Variants in CDK15 observed in about 807,000 individuals in gnomAD.
CDK15 encodes the protein cyclin dependent kinase 15.
Under a neutral mutation model 60.3 loss-of-function variants are expected in CDK15, and 62 were observed. The observed-to-expected ratio is 1.03, with a 90% CI of 0.84 to 1.27. CDK15 has a LOEUF of 1.27. CDK15 is among the 50% of genes most tolerant of loss of function. The pLI is 0.00. For missense variants in CDK15, 541 were observed against 527.8 expected (o/e 1.03, Z -0.25); for synonymous variants, 194 against 195.7 (o/e 0.99, Z 0.07).
At chr2:201,869,159 G>A (rs1393111423) in intron 10 of CDK15, among the ~76,000 whole-genome samples, 5 of 152,192 alleles carry the variant, frequency 3.3e-5, no homozygotes, top group Non-Finnish European at 7.4e-5. Flanking sequence ...ACTGGATTAA[G>A]AAAATGTGGT....
intron 4 of CDK15, among the ~76,000 whole-genome samples, chr2:201,815,666 T>A (rs578172633): frequency 1.3e-5 from 2 of 152,242 alleles, no homozygotes; most frequent in Non-Finnish European, 2.9e-5. Context: ...AATATCTTAA[T>A]ATAATGTGCA....
At chr2:201,893,126 G>A (rs1378922364) in intron 13 of CDK15, among the ~76,000 whole-genome samples, 175 bp from the exon 14 acceptor site, 3 of 152,146 alleles carry the variant, frequency 2.0e-5, no homozygotes, top group South Asian at 2.1e-4. Flanking sequence ...TATTTGCAAA[G>A]CTTTCTTAGT....
At position 201,895,178 on chromosome 2, in the gene CDK15, T is replaced by C. The variant is rs1699743155; in HGVS notation, c.*1911T>C. The C allele has an allele frequency of 6.6e-6, 1 of 152,204 alleles. No homozygotes were observed. Among genetic ancestry groups the C allele is most frequent in the African/African-American group, 2.4e-5 (1 of 41,452 alleles). The allele number at this position is 152,204 out of a possible 1,614,324, so 9.4% of individuals were successfully genotyped here. A position where few individuals can be genotyped will look rare whatever the true frequency, so the allele number is the denominator to read the frequency against. Reference sequence around the variant, plus strand: ...ATGAGAGCTATAGGAGGGATTCCCATGTTGGAGGTTAGAAGAGCTGACCTC... The same window carrying C: ...ATGAGAGCTATAGGAGGGATTCCCACGTTGGAGGTTAGAAGAGCTGACCTC... On this transcript the variant is annotated 3_prime_UTR_variant, in exon 14 of 14. Transcript: ENST00000652192.
intron 8 of CDK15, among the ~76,000 whole-genome samples, chr2:201,836,133 T>C (rs1357360174): frequency 1.6e-5 from 2 of 122,822 alleles, no homozygotes; most frequent in Admixed American, 2.2e-4. Context: ...ATATTTTATA[T>C]ATTTATATAT....
At chr2:201,847,178 G>C (rs751192662) in intron 8 of CDK15, among the ~76,000 whole-genome samples, 1 of 152,112 alleles carries the variant, frequency 6.6e-6, no homozygotes, top group Non-Finnish European at 1.5e-5. Context: ...TGCTGCTCGT[G>C]GTGTTCCATT....
intron 10 of CDK15, among the ~76,000 whole-genome samples, chr2:201,865,868 C>T (rs998066997): frequency 3.4e-5 from 4 of 116,924 alleles, no homozygotes; most frequent in East Asian, 2.5e-4. Context: ...CCAGCCTGGG[C>T]GACAGAGCAA....
chr2:201,886,936 A>T (rs1164049816), intron 12 of CDK15, among the ~76,000 whole-genome samples: 1 of 152,236 alleles, frequency 6.6e-6, no homozygotes, highest in Non-Finnish European at 1.5e-5. Context: ...TATAGCATGC[A>T]TATCGGGAGC....
chr2:201,812,203 A>AC (rs1695807372), intron 3 of CDK15, among the ~76,000 whole-genome samples: 1 of 151,498 alleles, frequency 6.6e-6, no homozygotes. Flanking sequence ...AAAAAAACAA[A>AC]AAAACACTAC....
intron 8 of CDK15, among the ~76,000 whole-genome samples, chr2:201,845,845 A>G (rs73993111): frequency 1.7e-4 from 16 of 92,066 alleles, no homozygotes; most frequent in South Asian, 8.1e-4. Flanking sequence ...AAAAAAAAAA[A>G]AGAGAGAGAG....
chr2:201,821,513 C>T (rs1252521944), intron 4 of CDK15, among the ~76,000 whole-genome samples: 2 of 152,050 alleles, frequency 1.3e-5, no homozygotes, highest in Admixed American at 1.3e-4. Flanking sequence ...TGTTTTTAAT[C>T]TTATGGAATT....
chr2:201,859,083 C>T (rs1698270761), intron 10 of CDK15, among the ~76,000 whole-genome samples: 1 of 152,256 alleles, frequency 6.6e-6, no homozygotes, highest in Non-Finnish European at 1.5e-5. Context: ...GCCGGGGCTG[C>T]GCGGGCCTCC....
chr2:201,824,810 C>A, intron 6 of CDK15: 3 of 679,004 alleles, frequency 4.4e-6, no homozygotes, highest in East Asian at 1.2e-4. Context: ...CCTCAGCCAT[C>A]TGAAGGACAG....
chr2:201,807,705 C>T, intron 2 of CDK15, 62 bp downstream of exon 2: 1 of 1,599,824 alleles, frequency 6.3e-7, no homozygotes, highest in African/African-American at 1.3e-5. Flanking sequence ...CGGAGGCCGG[C>T]CCTTGCTTCC....
intron 4 of CDK15, among the ~76,000 whole-genome samples, chr2:201,821,564 C>T (rs1447771792): frequency 6.6e-6 from 1 of 152,118 alleles, no homozygotes; most frequent in Non-Finnish European, 1.5e-5. Context: ...TCATGATATG[C>T]AGGCATAGGC....
At chr2:201,831,259 G>A (rs190372713) in intron 6 of CDK15, among the ~76,000 whole-genome samples, 1 of 152,160 alleles carries the variant, frequency 6.6e-6, no homozygotes. Flanking sequence ...TCCCTATAAG[G>A]AGTTGGCTAA....
Position 201,807,545 on chromosome 2 carries a change from G to A in CDK15, c.175G>A (p.Gly59Arg), listed in dbSNP as rs1695568236. 6 of 1,614,144 alleles carry A rather than the reference G, an allele frequency of 3.7e-6. No homozygotes were observed. The highest frequency in any genetic ancestry group is 1.7e-5 in the Admixed American group (1 of 60,022). Residue 59 changes from glycine to arginine, a missense_variant, in exon 2 of 14, where the codon GGA (glycine) becomes AGA (arginine). Physicochemically the swap from Gly to Arg is moderately radical, Grantham distance 125. Transcript: ENST00000652192. ...SCSMTSFHPR[G>R]LQAARAQKFK... ...TTCCATGACTTCATTTCACCCCAGG[G>A]GACTTCAAGCTGCCCGTGCCCAGAA...
At chr2:201,807,106 G>T (rs1695544227) in intron 1 of CDK15, among the ~76,000 whole-genome samples, 1 of 151,962 alleles carries the variant, frequency 6.6e-6, no homozygotes, top group African/African-American at 2.4e-5. Flanking sequence ...GTATTAGTTG[G>T]TATGCTATGG....
intron 10 of CDK15, among the ~76,000 whole-genome samples, chr2:201,870,704 C>A (rs1383746078): frequency 6.6e-6 from 1 of 152,170 alleles, no homozygotes; most frequent in Non-Finnish European, 1.5e-5. Flanking sequence ...ACTCACCAGC[C>A]TGGGTGAGAT....
At chr2:201,826,047 A>G (rs552281911) in intron 6 of CDK15, among the ~76,000 whole-genome samples, 52 of 152,360 alleles carry the variant, frequency 3.4e-4, no homozygotes, top group African/African-American at 1.2e-3. Context: ...ACAGCCAAAA[A>G]CAAGAGATAA....
Sources: allele counts gnomAD v4.1 joint callset (sites outside exome capture counted in the v4.1 genomes callset), GRCh38; gene constraint gnomAD v4.1.1; transcripts MANE v1.5; gene names NCBI Gene and HGNC (gene_info 2026-07-23, HGNC 2026-07-21).